Variants in KDM4C observed in about 807,000 individuals in gnomAD.
The protein encoded by KDM4C is lysine-specific demethylase 4C.
In KDM4C, 81 loss-of-function variants were observed where a neutral mutation model predicts 129.3. The observed-to-expected ratio is 0.63, with a 90% CI of 0.52 to 0.75. The LOEUF (loss-of-function observed/expected upper bound fraction) is 0.75. Among genes scored for constraint, KDM4C ranks in the 30% least tolerant of loss-of-function variants. The pLI is 0.00. For missense variants in KDM4C, 1,457 were observed against 1,304.0 expected (o/e 1.12, Z -1.81); for synonymous variants, 573 against 456.1 (o/e 1.26, Z -3.26).
At chr9:7,072,830 G>A (rs958988289) in intron 17 of KDM4C, among the ~76,000 whole-genome samples, 3 of 152,134 alleles carry the variant, frequency 2.0e-5, no homozygotes, top group Non-Finnish European at 4.4e-5. Context: ...TACATTTGAT[G>A]TACAATCATT....
chr9:6,894,962 A>G (rs1846629058), intron 8 of KDM4C, among the ~76,000 whole-genome samples: 1 of 152,236 alleles, frequency 6.6e-6, no homozygotes. Context: ...CTATCTGTTT[A>G]TTCAGTTTAG....
At chr9:6,931,504 A>T (rs549479556) in intron 8 of KDM4C, among the ~76,000 whole-genome samples, 120 of 148,600 alleles carry the variant, frequency 8.1e-4, no homozygotes, top group Admixed American at 5.4e-3. Flanking sequence ...ATATATATAT[A>T]TATTTTTTTT....
At chr9:7,013,263 G>A (rs1823024060) in intron 13 of KDM4C, among the ~76,000 whole-genome samples, 1 of 152,098 alleles carries the variant, frequency 6.6e-6, no homozygotes, top group African/African-American at 2.4e-5. Context: ...TTTGGTGTGA[G>A]GTGATAATTT....
At chr9:6,767,707 C>T (rs1028719640) in intron 1 of KDM4C, among the ~76,000 whole-genome samples, 11 of 152,136 alleles carry the variant, frequency 7.2e-5, no homozygotes, top group Non-Finnish European at 1.3e-4. Flanking sequence ...GTGATGTCCG[C>T]TTCAGCCTTC....
In KDM4C at chr9:7,049,010, A is replaced by G. The variant is rs778709798; in HGVS notation, c.2316-82A>G. 4.3e-5 allele frequency: 37 copies of G among 866,518 alleles called. No individual in the cohort carries two copies. In the African/African-American group the frequency reaches 5.5e-4, roughly 13 times the overall value. 53.7% of individuals were successfully genotyped at this position (866,518 alleles called of 1,614,324 possible). ...TTTCTTGCTCATCTGTGTATTTCCCATCTGTGAGAACTGGCATCACCAAGT... is the reference window on the plus strand; with the variant it reads ...TTTCTTGCTCATCTGTGTATTTCCCGTCTGTGAGAACTGGCATCACCAAGT... On this transcript the variant is annotated intron_variant, in intron 16 of 21. Transcript: ENST00000381309.
intron 15 of KDM4C, among the ~76,000 whole-genome samples, chr9:7,016,885 C>T (rs1361134354): frequency 6.6e-6 from 1 of 152,132 alleles, no homozygotes; most frequent in Non-Finnish European, 1.5e-5. Context: ...AAGTAACAGT[C>T]AAGGTGGGGG....
intron 5 of KDM4C, among the ~76,000 whole-genome samples, chr9:6,866,753 G>A (rs1842045574): frequency 6.6e-6 from 1 of 151,852 alleles, no homozygotes; most frequent in African/African-American, 2.4e-5. Flanking sequence ...TTGACTTCAG[G>A]CAGATCAAAG....
chr9:6,842,523 G>A (rs956211390), intron 4 of KDM4C, among the ~76,000 whole-genome samples: 9 of 151,696 alleles, frequency 5.9e-5, no homozygotes, highest in African/African-American at 2.2e-4. Context: ...ATTTTTAGTA[G>A]AGATGGAGTT....
intron 19 of KDM4C, among the ~76,000 whole-genome samples, chr9:7,144,585 C>T (rs1010130484): frequency 4.6e-5 from 7 of 152,254 alleles, no homozygotes; most frequent in South Asian, 2.1e-4. Context: ...CATAGGTGAT[C>T]TCTAGTCATC....
At chr9:6,992,854 G>A (rs946930) in intron 12 of KDM4C, among the ~76,000 whole-genome samples, 149,893 of 152,316 alleles carry the variant, frequency 0.98, 73,808 homozygotes, top group South Asian at 1. Flanking sequence ...AGTGTCTTCT[G>A]TTGGTGAACG....
intron 13 of KDM4C, among the ~76,000 whole-genome samples, 157 bp from the exon 14 acceptor site, chr9:7,013,631 T>C (rs985051079): frequency 1.3e-5 from 2 of 152,074 alleles, no homozygotes; most frequent in Admixed American, 1.3e-4. Flanking sequence ...AGGTGGAATA[T>C]TGATTTAAAA....
chr9:7,091,267 A>C (rs1000748295), intron 17 of KDM4C, among the ~76,000 whole-genome samples: 1 of 152,070 alleles, frequency 6.6e-6, no homozygotes, highest in African/African-American at 2.4e-5. Context: ...CACTTGGGAG[A>C]GAGGTAAAAA....
intron 8 of KDM4C, among the ~76,000 whole-genome samples, chr9:6,923,351 C>T (rs754373009): frequency 6.6e-6 from 1 of 151,872 alleles, no homozygotes; most frequent in Non-Finnish European, 1.5e-5. Flanking sequence ...TTGCAGTTTC[C>T]GTTTAAATGT....
At chr9:7,128,710 C>T (rs943289294) in intron 19 of KDM4C, among the ~76,000 whole-genome samples, 1 of 152,100 alleles carries the variant, frequency 6.6e-6, no homozygotes, top group Non-Finnish European at 1.5e-5. Context: ...TAACAAAAGT[C>T]ACACAGAAGA....
At chr9:6,807,192 C>T (rs1177262617) in intron 3 of KDM4C, among the ~76,000 whole-genome samples, 1 of 152,166 alleles carries the variant, frequency 6.6e-6, no homozygotes, top group Non-Finnish European at 1.5e-5. Context: ...ACTCAGTGCT[C>T]AATGGTGCCC....
chr9:6,742,365 T>G (rs1817730331), intron 1 of KDM4C, among the ~76,000 whole-genome samples: 1 of 152,188 alleles, frequency 6.6e-6, no homozygotes, highest in Admixed American at 6.6e-5. Flanking sequence ...GATTGCAATC[T>G]ATCTCAATTT....
At chr9:6,995,216 G>C (rs115279878) in intron 12 of KDM4C, among the ~76,000 whole-genome samples, 1,805 of 151,818 alleles carry the variant, frequency 0.012, 34 homozygotes, top group African/African-American at 0.041. Flanking sequence ...GACTAAGTCA[G>C]TTCAGGAGAA....
intron 8 of KDM4C, among the ~76,000 whole-genome samples, chr9:6,928,052 C>T (rs975148194): frequency 2.4e-4 from 37 of 152,202 alleles, no homozygotes; most frequent in African/African-American, 8.4e-4. Context: ...TCTATTTTCT[C>T]ACCACTTATT....
At chr9:6,828,766 G>A (rs1001166516) in intron 4 of KDM4C, among the ~76,000 whole-genome samples, 2 of 152,094 alleles carry the variant, frequency 1.3e-5, no homozygotes, top group East Asian at 3.9e-4. Context: ...AGCTACTCAG[G>A]AGGCTGAGGC....
Sources: gnomAD v4.1 joint callset for allele counts (sites outside exome capture counted in the v4.1 genomes callset) on GRCh38, gnomAD v4.1.1 for gene constraint, MANE v1.5 for transcripts, NCBI Gene and HGNC (gene_info 2026-07-23, HGNC 2026-07-21) for gene names.